The following TNRC6B variants were observed in gnomAD, a reference collection of about 807,000 sequenced individuals.
TNRC6B encodes the protein trinucleotide repeat-containing gene 6B protein.
A neutral mutation model predicts 203.6 loss-of-function variants in TNRC6B; 52 were observed. That is an observed-to-expected ratio of 0.26 (90% CI 0.20 to 0.32). TNRC6B has a LOEUF of 0.32. Ranked by LOEUF, TNRC6B falls within the 10% of genes least tolerant of loss-of-function variation. The probability of loss-of-function intolerance (pLI) is 1.00; values close to 1 mark genes in which losing one functional copy is unlikely to be tolerated. For synonymous variants in TNRC6B, 838 were observed against 845.7 expected (o/e 0.99, Z 0.16); for missense variants, 1,923 against 2,286.2 (o/e 0.84, Z 3.24).
intron 4 of TNRC6B, among the ~76,000 whole-genome samples, chr22:40,159,652 A>T (rs1360293603): frequency 2.2e-5 from 2 of 89,468 alleles, no homozygotes; most frequent in East Asian, 4.7e-4. Context: ...ACATTAAAAA[A>T]AAAATTTAAA....
chr22:40,331,549 G>C lies in TNRC6B; in HGVS notation c.*8308G>C. The stretch of plus-strand genomic sequence containing the variant: ...GGAAGACACAGGGAGGAGAGATGCT[G>C]CTTCTGCGCTTTGCTCTCATTCCTC... On this transcript the variant is annotated 3_prime_UTR_variant, in exon 23 of 23. Coordinates refer to ENST00000454349, the MANE Select transcript of TNRC6B (RefSeq NM_001162501.2). The C allele has an allele frequency of 2.7e-6, 1 of 374,688 alleles. No homozygotes were observed. Among genetic ancestry groups the C allele is most frequent in the Non-Finnish European group, 4.8e-6 (1 of 209,792 alleles). 23.2% of individuals were successfully genotyped at this position (374,688 alleles called of 1,614,324 possible). A position where few individuals can be genotyped will look rare whatever the true frequency, so the allele number is the denominator to read the frequency against.
intron 1 of TNRC6B, among the ~76,000 whole-genome samples, chr22:40,054,576 GTATAT>G (rs906915009): frequency 1.4e-4 from 21 of 152,152 alleles, no homozygotes; most frequent in African/African-American, 4.6e-4. Context: ...TATTTAATTT[GTATAT>G]TATATTTCCC....
chr22:40,142,954 T>C (rs923502115), intron 3 of TNRC6B, among the ~76,000 whole-genome samples: 5 of 152,194 alleles, frequency 3.3e-5, no homozygotes, highest in African/African-American at 1.2e-4. Flanking sequence ...GAGCTAACTG[T>C]GGGGGCTAAA....
At chr22:40,127,015 TAAATA>T (rs957817918) in intron 3 of TNRC6B, among the ~76,000 whole-genome samples, 1 of 148,984 alleles carries the variant, frequency 6.7e-6, no homozygotes, top group Non-Finnish European at 1.5e-5. Flanking sequence ...ATATATATAA[TAAATA>T]AAATAAAAAT....
chr22:40,106,611 C>T, intron 1 of TNRC6B: 4 of 727,438 alleles, frequency 5.5e-6, no homozygotes, highest in Non-Finnish European at 1.0e-5. Context: ...TAGATAAGTT[C>T]ATTTAGTGAC....
intron 1 of TNRC6B, among the ~76,000 whole-genome samples, chr22:40,236,357 T>C (rs1184781911): frequency 6.6e-6 from 1 of 152,218 alleles, no homozygotes; most frequent in Non-Finnish European, 1.5e-5. Flanking sequence ...ATGACACTTT[T>C]GGGAGTGGCT....
chr22:40,269,202 T>C (rs1414605377), intron 5 of TNRC6B, among the ~76,000 whole-genome samples: 7 of 135,554 alleles, frequency 5.2e-5, no homozygotes, highest in African/African-American at 1.9e-4. Context: ...GGCGCAATCT[T>C]GGCTCACTGC....
intron 4 of TNRC6B, chr22:40,156,315 G>T (rs1302154443): frequency 4.6e-5 from 36 of 779,898 alleles, no homozygotes; most frequent in Admixed American, 2.6e-5. Context: ...TGCTTTGGTG[G>T]CTGTTAATGC....
intron 3 of TNRC6B, among the ~76,000 whole-genome samples, chr22:40,130,910 C>CTT (rs1055295941): frequency 1.4e-5 from 2 of 147,164 alleles, no homozygotes; most frequent in African/African-American, 2.5e-5. Flanking sequence ...GTATAGAAGT[C>CTT]TTTTTTTTTG....
At chr22:40,065,874 G>GC (rs2067890470) in intron 1 of TNRC6B, among the ~76,000 whole-genome samples, 2 of 152,042 alleles carry the variant, frequency 1.3e-5, no homozygotes, top group South Asian at 4.2e-4. Context: ...ACAATTCCTG[G>GC]CCCCGTGTGA....
chr22:40,298,086 C>G (rs1054117589), intron 12 of TNRC6B, among the ~76,000 whole-genome samples: 4 of 151,888 alleles, frequency 2.6e-5, no homozygotes, highest in African/African-American at 9.7e-5. Flanking sequence ...GATTGCGCCA[C>G]TGCACTCCAG....
At chr22:40,206,677 C>G (rs1463750493) in intron 1 of TNRC6B, among the ~76,000 whole-genome samples, 1 of 152,044 alleles carries the variant, frequency 6.6e-6, no homozygotes, top group Non-Finnish European at 1.5e-5. Context: ...GCTGTAGTAA[C>G]GAAGAGCAGT....
chr22:40,112,666 CT>C (rs1207437230), intron 1 of TNRC6B, among the ~76,000 whole-genome samples: 3 of 152,084 alleles, frequency 2.0e-5, no homozygotes, highest in African/African-American at 7.2e-5. Flanking sequence ...GACAATGGTT[CT>C]GACTTTTAAA....
chr22:40,180,719 G>A (rs530587229), intron 1 of TNRC6B, among the ~76,000 whole-genome samples: 1 of 152,300 alleles, frequency 6.6e-6, no homozygotes, highest in African/African-American at 2.4e-5. Flanking sequence ...TTCTTTCTGT[G>A]AGTACTGTGA....
chr22:40,240,372 C>T (rs2070012057), intron 1 of TNRC6B, among the ~76,000 whole-genome samples: 1 of 152,166 alleles, frequency 6.6e-6, no homozygotes, highest in Non-Finnish European at 1.5e-5. Flanking sequence ...ATTAAACCCC[C>T]AGCTCCCCTA....
chr22:40,139,611 C>T (rs572911808), intron 3 of TNRC6B, among the ~76,000 whole-genome samples: 3 of 152,282 alleles, frequency 2.0e-5, no homozygotes, highest in African/African-American at 7.2e-5. Flanking sequence ...GGATTACAGG[C>T]GCGAGCCACT....
At chr22:40,303,007 C>T (rs1290856301) in intron 15 of TNRC6B, among the ~76,000 whole-genome samples, 1 of 150,708 alleles carries the variant, frequency 6.6e-6, no homozygotes, top group Admixed American at 6.6e-5. Flanking sequence ...CAAAGGTGTC[C>T]TTATGCTGTA....
intron 1 of TNRC6B, among the ~76,000 whole-genome samples, chr22:40,071,467 AT>A (rs1397149626): frequency 6.6e-6 from 1 of 152,248 alleles, no homozygotes; most frequent in Non-Finnish European, 1.5e-5. Flanking sequence ...TTACCAGCGA[AT>A]GTGGAAGCTT....
intron 4 of TNRC6B, among the ~76,000 whole-genome samples, chr22:40,163,561 A>G (rs1375491045): frequency 6.6e-6 from 1 of 150,448 alleles, no homozygotes; most frequent in East Asian, 1.9e-4. Flanking sequence ...TCAGGAGTTC[A>G]AGACCAGCCT....
Sources: allele counts gnomAD v4.1 joint callset (sites outside exome capture counted in the v4.1 genomes callset), GRCh38; gene constraint gnomAD v4.1.1; transcripts MANE v1.5; gene names NCBI Gene and HGNC (gene_info 2026-07-23, HGNC 2026-07-21).